RAB6A: variants seen among roughly 807,000 people sequenced by gnomAD.
The protein encoded by RAB6A is ras-related protein Rab-6A.
Under a neutral mutation model 32.3 loss-of-function variants are expected in RAB6A, and 8 were observed. That is an observed-to-expected ratio of 0.25 (90% CI 0.15 to 0.45). The LOEUF is 0.45. Among genes scored for constraint, RAB6A ranks in the 20% least tolerant of loss-of-function variants. RAB6A has a pLI of 1.00. For missense variants in RAB6A, 104 were observed against 249.4 expected (o/e 0.42, Z 3.93); for synonymous variants, 73 against 82.1 (o/e 0.89, Z 0.60).
intron 6 of RAB6A, among the ~76,000 whole-genome samples, chr11:73,685,086 G>A (rs1185640535): frequency 6.6e-6 from 1 of 152,204 alleles, no homozygotes; most frequent in Non-Finnish European, 1.5e-5. Context: ...GTGGATAGCA[G>A]TACAGTGTAG....
chr11:73,755,962 CA>C (rs1323979738), intron 1 of RAB6A, among the ~76,000 whole-genome samples: 1 of 152,046 alleles, frequency 6.6e-6, no homozygotes, highest in Non-Finnish European at 1.5e-5. Flanking sequence ...ATAACAACTA[CA>C]TTAACAGAGC....
chr11:73,682,872 G>A (rs1945382121), intron 6 of RAB6A, among the ~76,000 whole-genome samples: 1 of 152,066 alleles, frequency 6.6e-6, no homozygotes, highest in Admixed American at 6.6e-5. Context: ...ATAAGGTTAG[G>A]CAATCCTGAT....
At chr11:73,727,327 G>A (rs566096381) in intron 2 of RAB6A, among the ~76,000 whole-genome samples, 31 of 151,728 alleles carry the variant, frequency 2.0e-4, no homozygotes, top group African/African-American at 7.3e-4. Flanking sequence ...TTAGGAGGCT[G>A]AGGCAGGAGA....
At chr11:73,684,785 A>T (rs1945415033) in intron 6 of RAB6A, among the ~76,000 whole-genome samples, 2 of 152,268 alleles carry the variant, frequency 1.3e-5, no homozygotes, top group African/African-American at 4.8e-5. Context: ...ACATGTTCAC[A>T]GATAGAAAAG....
At chr11:73,722,295 A>ATGTGTGTGGGTATGTGTG (rs1946144343) in intron 2 of RAB6A, 1 of 80,810 alleles carries the variant, frequency 1.2e-5, no homozygotes, top group African/African-American at 5.1e-5. Flanking sequence ...TCAAATATAT[A>ATGTGTGTGGGTATGTGTG]TGTGTGTGTG....
rs1413998136 is a variant in RAB6A, at chr11:73,713,004, C to T, written c.401+3247G>A. Among the ~76,000 whole-genome samples, 8 of 152,266 alleles carry T rather than the reference C, an allele frequency of 5.3e-5. No individual in the cohort carries two copies. The East Asian group carries it at 5.8e-4, about 11-fold the overall frequency. On this transcript the variant is annotated intron_variant, in intron 5 of 7. Transcript: ENST00000336083. ...AAGTGCTGGGAGGTGTGAGCCACCA[C>T]GCTGGCCAGATTTTTCTTTTACTAT... is the stretch of plus-strand genomic sequence containing the variant.
intron 1 of RAB6A, among the ~76,000 whole-genome samples, chr11:73,753,478 G>A (rs979237852): frequency 2.0e-5 from 3 of 151,934 alleles, no homozygotes; most frequent in African/African-American, 7.2e-5. Context: ...TTGGGAGGCC[G>A]AGGCAGGCAG....
At chr11:73,707,594 C>CAAAATATTAATACCTTAATA in intron 5 of RAB6A, 81 bp from the exon 6 acceptor site, 1 of 1,074,458 alleles carries the variant, frequency 9.3e-7, no homozygotes, top group South Asian at 1.4e-5. Context: ...CTGAAAATAA[C>CAAAATATTAATACCTTAATA]TTTCCTTGAT....
intron 6 of RAB6A, among the ~76,000 whole-genome samples, chr11:73,691,006 G>A (rs1380764554): frequency 6.6e-6 from 1 of 151,584 alleles, no homozygotes; most frequent in Non-Finnish European, 1.5e-5. Context: ...ACTCTCCAAA[G>A]GCGGGGTTTT....
At chr11:73,740,840 A>T (rs954586098) in intron 1 of RAB6A, among the ~76,000 whole-genome samples, 19 of 151,874 alleles carry the variant, frequency 1.3e-4, no homozygotes, top group Non-Finnish European at 2.9e-5. Context: ...GTGAGCCGAG[A>T]TCACGCCAGT....
At chr11:73,735,418 A>G (rs1175875121) in intron 1 of RAB6A, among the ~76,000 whole-genome samples, 1 of 152,242 alleles carries the variant, frequency 6.6e-6, no homozygotes, top group Admixed American at 6.5e-5. Context: ...AAAAACAATC[A>G]GAACATAGTA....
intron 1 of RAB6A, among the ~76,000 whole-genome samples, chr11:73,741,238 G>A (rs890097881): frequency 1.5e-4 from 23 of 151,400 alleles, no homozygotes; most frequent in African/African-American, 3.2e-4. Flanking sequence ...CCGGGTTCAC[G>A]CCATTCTCCT....
chr11:73,712,727 G>T (rs1299573996), intron 5 of RAB6A, among the ~76,000 whole-genome samples: 1 of 25,322 alleles, frequency 3.9e-5, no homozygotes, highest in African/African-American at 8.4e-5. Context: ...AATTATAGAG[G>T]CTTTTTTTTT....
chr11:73,676,766 C>G lies in RAB6A; in HGVS notation c.*1132G>C. The G allele has an allele frequency of 6.0e-6, 1 of 167,128 alleles. No homozygotes were observed. The allele number at this position is 167,128 out of a possible 1,614,324, so 10.4% of individuals were successfully genotyped here. On this transcript the variant is annotated 3_prime_UTR_variant, in exon 8 of 8. Coordinates refer to ENST00000336083, the MANE Select transcript of RAB6A (RefSeq NM_198896.2). ...TTCCGGTTTCCGTCTTCAATTTGAC[C>G]TCAAATGTCCTGAGCAAAGTTTTTG...
At chr11:73,679,953 C>A (rs1945328847) in intron 6 of RAB6A, among the ~76,000 whole-genome samples, 1 of 152,098 alleles carries the variant, frequency 6.6e-6, no homozygotes, top group African/African-American at 2.4e-5. Context: ...CAAAAATTAG[C>A]CAGGCGTGGT....
rs77034753 is a variant in RAB6A at position 73,748,997 on chromosome 11, C to T, written c.70+11569G>A. ...AAAATTAACCAGGCGTGGCAGCATACGCCTGTAATCCCAACTACTTGGGAG... is the reference window on the plus strand; with the variant it reads ...AAAATTAACCAGGCGTGGCAGCATATGCCTGTAATCCCAACTACTTGGGAG... On this transcript the variant is annotated intron_variant, in intron 1 of 7. Coordinates refer to ENST00000336083, the MANE Select transcript of RAB6A (RefSeq NM_198896.2). Among the ~76,000 whole-genome samples the T allele has an allele frequency of 3.3e-3, 499 of 152,154 alleles. 1 individual carries two copies. The highest frequency in any genetic ancestry group is 0.011 in the African/African-American group (471 of 41,504).
At chr11:73,748,824 T>C (rs1946631875) in intron 1 of RAB6A, among the ~76,000 whole-genome samples, 1 of 152,140 alleles carries the variant, frequency 6.6e-6, no homozygotes, top group African/African-American at 2.4e-5. Flanking sequence ...CAAAGCTAAC[T>C]TTAAAAAATT....
chr11:73,750,039 A>T (rs766859157), intron 1 of RAB6A, among the ~76,000 whole-genome samples: 1 of 152,164 alleles, frequency 6.6e-6, no homozygotes, highest in Non-Finnish European at 1.5e-5. Context: ...TATTTTTTTT[A>T]AATCTGCCTT....
At chr11:73,729,490 T>G (rs1352229205) in intron 2 of RAB6A, 1 of 152,232 alleles carries the variant, frequency 6.6e-6, no homozygotes, top group Non-Finnish European at 1.5e-5. Context: ...TCAGTCTAGC[T>G]AAAGTTAGTC....
Sources: allele counts gnomAD v4.1 joint callset (sites outside exome capture counted in the v4.1 genomes callset), GRCh38; gene constraint gnomAD v4.1.1; transcripts MANE v1.5; gene names NCBI Gene and HGNC (gene_info 2026-07-23, HGNC 2026-07-21).